The following CFAP20DC variants were observed in gnomAD, a reference collection of about 807,000 sequenced individuals.
The protein encoded by CFAP20DC is protein CFAP20DC.
CFAP20DC carries 84 observed loss-of-function variants against 101.7 expected under a neutral mutation model. That is an observed-to-expected ratio of 0.83 (90% CI 0.69 to 0.99). The LOEUF is 0.99. Ranked by LOEUF, CFAP20DC falls within the 50% of genes least tolerant of loss-of-function variation. CFAP20DC has a pLI of 0.00. For synonymous variants in CFAP20DC, 359 were observed against 351.2 expected, an observed-to-expected ratio of 1.02 and a Z score of -0.25; for missense variants, 1,007 against 970.3, an observed-to-expected ratio of 1.04 and a Z score of -0.50.
At chr3:58,746,209 T>C (rs2068192094) in intron 16 of CFAP20DC, among the ~76,000 whole-genome samples, 1 of 152,170 alleles carries the variant, frequency 6.6e-6, no homozygotes, top group South Asian at 2.1e-4. Context: ...AAAAATTGTG[T>C]ATGTTTCCAA....
chr3:58,754,569 G>C (rs2068796287), intron 15 of CFAP20DC, among the ~76,000 whole-genome samples: 1 of 152,156 alleles, frequency 6.6e-6, no homozygotes, highest in South Asian at 2.1e-4. Context: ...TAAGGAGCAG[G>C]CAGGAGGATG....
At chr3:58,936,953 A>C (rs2087750649) in intron 5 of CFAP20DC, among the ~76,000 whole-genome samples, 1 of 129,284 alleles carries the variant, frequency 7.7e-6, no homozygotes, top group African/African-American at 2.5e-5. Flanking sequence ...AATAAATTTA[A>C]GCCAAAAAAA....
chr3:58,843,204 C>A (rs1383051319), intron 13 of CFAP20DC, among the ~76,000 whole-genome samples: 1 of 152,074 alleles, frequency 6.6e-6, no homozygotes, highest in Non-Finnish European at 1.5e-5. Context: ...TTCAGATGAT[C>A]AAATGACTCT....
chr3:58,943,984 A>C (rs1417028692), intron 4 of CFAP20DC, among the ~76,000 whole-genome samples: 3 of 152,168 alleles, frequency 2.0e-5, no homozygotes, highest in African/African-American at 7.2e-5. Context: ...GAAAATGAGG[A>C]TCAACTTAAT....
At position 58,867,254 on chromosome 3, in the gene CFAP20DC, C is replaced by T. The variant is rs1269984601; in HGVS notation, c.1135+563G>A. ...TACACTGGGTGGGATTCAGGATAGA[C>T]TGATATATGTGTATACTAATCTACA... On this transcript the variant is annotated intron_variant, in intron 10 of 16. Coordinates refer to ENST00000482387, the MANE Select transcript of CFAP20DC (RefSeq NM_001394063.1). Among the ~76,000 whole-genome samples, 4 of 152,152 alleles carry T rather than the reference C, an allele frequency of 2.6e-5. No homozygotes were observed. The East Asian group carries it at 7.7e-4, about 29-fold the overall frequency.
chr3:59,012,546 A>G (rs1369299364), intron 4 of CFAP20DC, among the ~76,000 whole-genome samples: 2 of 152,234 alleles, frequency 1.3e-5, no homozygotes, highest in South Asian at 2.1e-4. Context: ...AAGACTGGAC[A>G]AGGCTATTGG....
chr3:58,976,211 T>G (rs1452359848), intron 4 of CFAP20DC, among the ~76,000 whole-genome samples: 2 of 152,172 alleles, frequency 1.3e-5, no homozygotes. Context: ...GAGATTAAAG[T>G]TAATCTTCAG....
At chr3:58,782,455 A>T (rs1314925896) in intron 15 of CFAP20DC, among the ~76,000 whole-genome samples, 4 of 152,120 alleles carry the variant, frequency 2.6e-5, no homozygotes, top group Non-Finnish European at 5.9e-5. Context: ...AAAGGAAAAA[A>T]TAAAGGCATC....
chr3:58,741,805 T>G (rs893090558), downstream of CFAP20DC, among the ~76,000 whole-genome samples: 1 of 152,128 alleles, frequency 6.6e-6, no homozygotes, highest in African/African-American at 2.4e-5. Context: ...GCTTAAGTGA[T>G]GAACAATGTT....
At chr3:58,753,035 C>G (rs1359296116) in intron 16 of CFAP20DC, among the ~76,000 whole-genome samples, 1 of 152,142 alleles carries the variant, frequency 6.6e-6, no homozygotes, top group African/African-American at 2.4e-5. Context: ...CATCTCAACT[C>G]CTCAGTTTTC....
At chr3:58,855,795 T>C (rs2078735292) in intron 12 of CFAP20DC, among the ~76,000 whole-genome samples, 2 of 126,358 alleles carry the variant, frequency 1.6e-5, no homozygotes, top group South Asian at 4.9e-4. Flanking sequence ...TGAGAACACA[T>C]GGACACAGAA....
chr3:58,763,726 T>G (rs918114742), intron 15 of CFAP20DC, among the ~76,000 whole-genome samples: 1 of 152,228 alleles, frequency 6.6e-6, no homozygotes. Flanking sequence ...GGTGTGGATG[T>G]CCTTTCTGTT....
At chr3:58,922,560 C>A (rs1344367759) in intron 5 of CFAP20DC, among the ~76,000 whole-genome samples, 1 of 152,078 alleles carries the variant, frequency 6.6e-6, no homozygotes, top group African/African-American at 2.4e-5. Flanking sequence ...GACAATGCCT[C>A]CTCTTTCTTT....
In CFAP20DC at chr3:58,978,121, G is replaced by A. The variant is rs998606928; in HGVS notation, c.279-40359C>T. On this transcript the variant is annotated intron_variant, in intron 4 of 16. Transcript: ENST00000482387. Reference sequence around the variant, plus strand: ...TGTTCCTGGGTGGAGCAAAAAGAGAGAAAAAAATGCGGGGAAGCATCAGGC... The same window carrying A: ...TGTTCCTGGGTGGAGCAAAAAGAGAAAAAAAAATGCGGGGAAGCATCAGGC... Among the ~76,000 whole-genome samples, 6 of 152,026 alleles carry A rather than the reference G, an allele frequency of 3.9e-5. No homozygotes were observed. The East Asian group carries it at 1.2e-3, about 29-fold the overall frequency.
chr3:58,770,247 A>T (rs1349277327), intron 15 of CFAP20DC, among the ~76,000 whole-genome samples: 5 of 152,248 alleles, frequency 3.3e-5, no homozygotes, highest in Admixed American at 2.6e-4. Flanking sequence ...TATGAAAGAA[A>T]GCTGACCCTT....
chr3:58,855,305 T>C (rs1404130536), intron 12 of CFAP20DC, among the ~76,000 whole-genome samples: 1 of 152,150 alleles, frequency 6.6e-6, no homozygotes, highest in Non-Finnish European at 1.5e-5. Flanking sequence ...TCACCCCAGT[T>C]AGAATGGCGA....
chr3:58,929,235 T>C (rs898728718), intron 5 of CFAP20DC, among the ~76,000 whole-genome samples: 1 of 152,214 alleles, frequency 6.6e-6, no homozygotes, highest in African/African-American at 2.4e-5. Context: ...TTTTCATGAA[T>C]GTGCACTATG....
At chr3:59,021,800 C>CG (rs1560005635) in intron 4 of CFAP20DC, among the ~76,000 whole-genome samples, 1 of 151,966 alleles carries the variant, frequency 6.6e-6, no homozygotes, top group Non-Finnish European at 1.5e-5. Flanking sequence ...AGAGTAGCTG[C>CG]GGGGAAGAGA....
chr3:58,859,176 C>T lies in CFAP20DC; in HGVS notation c.1593+4382G>A, dbSNP rs1471013118. ...ACCACAGTTTTAAACAAGTAACTAACCTGCAGCATGCCTGATATTAAAAAG... is the reference window on the plus strand; with the variant it reads ...ACCACAGTTTTAAACAAGTAACTAATCTGCAGCATGCCTGATATTAAAAAG... On this transcript the variant is annotated intron_variant, in intron 12 of 16. Coordinates refer to ENST00000482387, the MANE Select transcript of CFAP20DC (RefSeq NM_001394063.1). The surrounding 1 kb of genome is among the most constrained non-coding windows in gnomAD (Gnocchi z 4.1). 6.6e-6 allele frequency among the ~76,000 whole-genome samples: 1 copy of T among 152,104 alleles called. No individual in the cohort carries two copies. The highest frequency in any genetic ancestry group is 1.5e-5 in the Non-Finnish European group (1 of 68,016).
Sources: gnomAD v4.1 joint callset for allele counts (sites outside exome capture counted in the v4.1 genomes callset) on GRCh38, gnomAD v4.1.1 for gene constraint, Gnocchi (gnomAD v3.1) non-coding constraint, MANE v1.5 for transcripts, NCBI Gene and HGNC (gene_info 2026-07-23, HGNC 2026-07-21) for gene names.